FAM53B: variants seen among roughly 807,000 people sequenced by gnomAD.
FAM53B encodes family with sequence similarity 53 member B.
FAM53B carries 12 observed loss-of-function variants against 32.7 expected under a neutral mutation model. That is an observed-to-expected ratio of 0.37 (90% CI 0.24 to 0.59). FAM53B has a LOEUF of 0.59. Ranked by LOEUF, FAM53B falls within the 20% of genes least tolerant of loss-of-function variation. FAM53B has a pLI of 0.72. For missense variants in FAM53B, 477 were observed against 577.7 expected, an observed-to-expected ratio of 0.83 and a Z score of 1.79; for synonymous variants, 234 against 228.7, an observed-to-expected ratio of 1.02 and a Z score of -0.21.
chr10:124,631,140 G>A (rs1949388387), intron 4 of FAM53B, among the ~76,000 whole-genome samples: 2 of 152,220 alleles, frequency 1.3e-5, no homozygotes, highest in Admixed American at 1.3e-4. Context: ...CCTTGGCCTT[G>A]CTGTCCCCGC....
chr10:124,715,451 C>T (rs1358241281), intron 1 of FAM53B, among the ~76,000 whole-genome samples: 3 of 152,220 alleles, frequency 2.0e-5, no homozygotes, highest in Non-Finnish European at 4.4e-5. Flanking sequence ...CAGCTGGAAC[C>T]TGTATCCATC....
At chr10:124,663,742 G>A (rs1184665135) in intron 4 of FAM53B, among the ~76,000 whole-genome samples, 2 of 152,192 alleles carry the variant, frequency 1.3e-5, no homozygotes, top group South Asian at 2.1e-4. Flanking sequence ...CTTTAACAAG[G>A]GTTCGTCATG....
chr10:124,651,846 C>G lies in FAM53B; in HGVS notation c.907-28242G>C, dbSNP rs980559006. 3.3e-5 allele frequency among the ~76,000 whole-genome samples: 5 copies of G among 152,226 alleles called. No individual in the cohort carries two copies. Among genetic ancestry groups the G allele is most frequent in the Admixed American group, 3.3e-4 (5 of 15,292 alleles). On this transcript the variant is annotated intron_variant, in intron 4 of 4. Coordinates refer to ENST00000337318, the MANE Select transcript of FAM53B (RefSeq NM_014661.4). The surrounding 1 kb of genome is among the most constrained non-coding windows in gnomAD (Gnocchi z 5.2). ...CCTGGAACGTTCACGCCAGCCCCAGCGTCAGGACAACTGCGACTGAGGGCG... is the reference window on the plus strand; with the variant it reads ...CCTGGAACGTTCACGCCAGCCCCAGGGTCAGGACAACTGCGACTGAGGGCG...
rs959750042 is a variant in FAM53B, at chr10:124,638,795, G to A, written c.907-15191C>T. On this transcript the variant is annotated intron_variant, in intron 4 of 4. Coordinates refer to ENST00000337318, the MANE Select transcript of FAM53B (RefSeq NM_014661.4). ...AGGCTTGGCCAGCACATCCCAGCAC[G>A]TCCAGCAGGGCAGCTGGCCATGGAC... Among the ~76,000 whole-genome samples the A allele has an allele frequency of 1.6e-4, 24 of 152,234 alleles. 1 individual carries two copies. The highest frequency in any genetic ancestry group is 1.2e-3 in the Admixed American group (18 of 15,288).
intron 3 of FAM53B, among the ~76,000 whole-genome samples, chr10:124,684,064 T>C (rs975957498): frequency 6.6e-6 from 1 of 152,242 alleles, no homozygotes; most frequent in African/African-American, 2.4e-5. Flanking sequence ...GTGGTACTCC[T>C]TCCTCTTGGG....
At chr10:124,726,554 T>C (rs953798799) in intron 1 of FAM53B, among the ~76,000 whole-genome samples, 1 of 152,232 alleles carries the variant, frequency 6.6e-6, no homozygotes, top group Admixed American at 6.5e-5. Context: ...ATTGACAAGC[T>C]ACATTTCTCA....
chr10:124,724,218 A>T lies in FAM53B; in HGVS notation c.-174-17331T>A, dbSNP rs117684120. ...GTGTTGGGCAGGAGTTCAATGCCAG[A>T]GATGGGGTGAGGGTATTCTATTAGG... On this transcript the variant is annotated intron_variant, in intron 1 of 4. Transcript: ENST00000337318. 1.5e-3 allele frequency among the ~76,000 whole-genome samples: 236 copies of T among 152,316 alleles called. 7 individuals are homozygous for T. The East Asian group carries it at 0.038, about 25-fold the overall frequency.
At chr10:124,731,220 A>C (rs550645589) in intron 1 of FAM53B, among the ~76,000 whole-genome samples, 2 of 152,368 alleles carry the variant, frequency 1.3e-5, no homozygotes, top group East Asian at 3.9e-4. Context: ...AGTGGCATTC[A>C]AAAAGTACTT....
intron 4 of FAM53B, among the ~76,000 whole-genome samples, chr10:124,640,868 G>A (rs546601014): frequency 9.2e-5 from 14 of 152,344 alleles, no homozygotes; most frequent in Admixed American, 9.1e-4. Context: ...CGCTGCGGCA[G>A]AGCAGAGTGA....
chr10:124,682,013 C>G lies in FAM53B; in HGVS notation c.500G>C (p.Ser167Thr). Residue 167 changes from serine to threonine, a missense_variant, in exon 4 of 5, where the codon AGC becomes ACC. Physicochemically the swap from Ser to Thr is moderately conservative, Grantham distance 58. Coordinates refer to ENST00000337318, the MANE Select transcript of FAM53B (RefSeq NM_014661.4). This position sits in a 1 kb window ranked among gnomAD's most constrained non-coding sequence, Gnocchi z 5.2. ...GTTGGCCCGGGAAGGGAGGCTGAAGCTGGAACTCCTCTGCATGGTGCTGAA... is the reference window on the plus strand; with the variant it reads ...GTTGGCCCGGGAAGGGAGGCTGAAGGTGGAACTCCTCTGCATGGTGCTGAA... ...NGFSTMQRSSSFSLPSRANVL... is the reference protein window; with the variant it reads ...NGFSTMQRSSTFSLPSRANVL... 6.2e-7 allele frequency: 1 copy of G among 1,613,968 alleles called. No individual in the cohort carries two copies. The highest frequency in any genetic ancestry group is 8.5e-7 in the Non-Finnish European group (1 of 1,179,928).
chr10:124,693,388 T>C (rs7068787), intron 3 of FAM53B, among the ~76,000 whole-genome samples: 17,659 of 151,502 alleles, frequency 0.12, 1,530 homozygotes, highest in African/African-American at 0.24. Context: ...GAGAACTGCT[T>C]GAACCTGGGA....
At chr10:124,632,168 C>G (rs1407242246) in intron 4 of FAM53B, among the ~76,000 whole-genome samples, 1 of 152,246 alleles carries the variant, frequency 6.6e-6, no homozygotes, top group East Asian at 1.9e-4. Context: ...ACAGGCCACA[C>G]GGTGGCGACG....
At chr10:124,696,764 T>C (rs1266433304) in intron 2 of FAM53B, among the ~76,000 whole-genome samples, 1 of 151,962 alleles carries the variant, frequency 6.6e-6, no homozygotes, top group Non-Finnish European at 1.5e-5. Context: ...CTACATCGAG[T>C]CCCCTTGAGG....
intron 4 of FAM53B, among the ~76,000 whole-genome samples, chr10:124,625,870 C>T (rs998534679): frequency 3.5e-4 from 53 of 152,340 alleles, no homozygotes; most frequent in African/African-American, 1.2e-3. Context: ...GGCCAGGATG[C>T]GTCAGGGCCT....
In FAM53B at chr10:124,650,305, G is replaced by A. The variant is rs544006605; in HGVS notation, c.907-26701C>T. Among the ~76,000 whole-genome samples, 27 of 152,318 alleles carry A rather than the reference G, an allele frequency of 1.8e-4. No homozygotes were observed. The East Asian group carries it at 4.4e-3, about 25-fold the overall frequency. On this transcript the variant is annotated intron_variant, in intron 4 of 4. Transcript: ENST00000337318. The stretch of plus-strand genomic sequence containing the variant: ...CCCAGGTCATCGCGGGACAGGTGTC[G>A]TCTACCCTGAATCTGAGAACCAGGC...
chr10:124,714,584 C>T (rs1441704385), intron 1 of FAM53B, among the ~76,000 whole-genome samples: 1 of 151,996 alleles, frequency 6.6e-6, no homozygotes. Context: ...CACGGTGAAA[C>T]CCCTCTCTAC....
intron 4 of FAM53B, among the ~76,000 whole-genome samples, chr10:124,670,571 C>T (rs760523249): frequency 3.3e-5 from 5 of 152,204 alleles, no homozygotes; most frequent in Non-Finnish European, 5.9e-5. Context: ...ACGCCCACTC[C>T]GACCCCAGTC....
chr10:124,694,828 A>G (rs1949858742), intron 3 of FAM53B, among the ~76,000 whole-genome samples: 1 of 152,212 alleles, frequency 6.6e-6, no homozygotes, highest in Non-Finnish European at 1.5e-5. Context: ...CCCTGTCTCC[A>G]TCTTCTTCAG....
At chr10:124,702,657 G>A (rs555466457) in intron 2 of FAM53B, among the ~76,000 whole-genome samples, 102 of 152,270 alleles carry the variant, frequency 6.7e-4, no homozygotes, top group African/African-American at 2.4e-3. Context: ...GTATAATGGG[G>A]TAGAAATGGG....
Sources: gnomAD v4.1 joint callset for allele counts (sites outside exome capture counted in the v4.1 genomes callset) on GRCh38, gnomAD v4.1.1 for gene constraint, Gnocchi (gnomAD v3.1) non-coding constraint, MANE v1.5 for transcripts, NCBI Gene and HGNC (gene_info 2026-07-23, HGNC 2026-07-21) for gene names.